The following GDPD4 variants were observed in gnomAD, a reference collection of about 807,000 sequenced individuals.
GDPD4 encodes the protein glycerophosphodiester phosphodiesterase 6.
GDPD4 carries 60 observed loss-of-function variants against 67.8 expected under a neutral mutation model. That is an observed-to-expected ratio of 0.88 (90% CI 0.72 to 1.10). The LOEUF (loss-of-function observed/expected upper bound fraction) is 1.10. Ranked by LOEUF, GDPD4 falls within the 50% of genes least tolerant of loss-of-function variation. GDPD4 has a pLI of 0.00. For missense variants in GDPD4, 623 were observed against 613.9 expected (o/e 1.01, Z -0.16); for synonymous variants, 212 against 210.9 (o/e 1.00, Z -0.04).
chr11:77,257,585 AC>A (rs1453338381), intron 11 of GDPD4, among the ~76,000 whole-genome samples: 1 of 150,514 alleles, frequency 6.6e-6, no homozygotes, highest in East Asian at 1.9e-4. Flanking sequence ...ACACACACAC[AC>A]ACACACACCC....
intron 4 of GDPD4, among the ~76,000 whole-genome samples, chr11:77,278,260 A>G (rs1469382814): frequency 6.6e-6 from 1 of 152,088 alleles, no homozygotes; most frequent in East Asian, 1.9e-4. Flanking sequence ...CTGGCCCCCC[A>G]TTATTCTTCA....
intron 16 of GDPD4, among the ~76,000 whole-genome samples, chr11:77,226,163 A>G (rs902079853): frequency 6.6e-6 from 1 of 152,172 alleles, no homozygotes; most frequent in Admixed American, 6.5e-5. Flanking sequence ...AGGTTTATAT[A>G]GTTCTTCAAT....
chr11:77,297,857 T>C (rs1460835345), intron 1 of GDPD4, among the ~76,000 whole-genome samples: 2 of 152,178 alleles, frequency 1.3e-5, no homozygotes, highest in Non-Finnish European at 2.9e-5. Context: ...AAGGGCAAAG[T>C]GATAAGTCAA....
At chr11:77,237,937 A>G (rs368322452) in intron 13 of GDPD4, among the ~76,000 whole-genome samples, 53 of 152,300 alleles carry the variant, frequency 3.5e-4, no homozygotes, top group African/African-American at 1.2e-3. Context: ...TAAAAAACAA[A>G]TAAGTTTATA....
At position 77,217,187 on chromosome 11, in the gene GDPD4, T is replaced by C. The variant is rs1308329915; in HGVS notation, c.*90A>G. On this transcript the variant is annotated 3_prime_UTR_variant, in exon 17 of 17. Transcript: ENST00000315938. ...ATGGCCTTGGTGTTCCTTTCCACTCTTGGGTAGAGCCGGGTAGAGGGCTGC... is the reference window on the plus strand; with the variant it reads ...ATGGCCTTGGTGTTCCTTTCCACTCCTGGGTAGAGCCGGGTAGAGGGCTGC... The C allele has an allele frequency of 1.0e-6, 1 of 977,670 alleles. No homozygotes were observed. Among genetic ancestry groups the C allele is most frequent in the Non-Finnish European group, 1.7e-6 (1 of 598,500 alleles). The allele number at this position is 977,670 out of a possible 1,614,324, so 60.6% of individuals were successfully genotyped here. A position where few individuals can be genotyped will look rare whatever the true frequency, so the allele number is the denominator to read the frequency against.
intron 16 of GDPD4, among the ~76,000 whole-genome samples, chr11:77,224,719 G>C (rs1398471787): frequency 6.6e-6 from 1 of 152,182 alleles, no homozygotes; most frequent in African/African-American, 2.4e-5. Flanking sequence ...AGTAAGTAAA[G>C]GAACTGTCTA....
At chr11:77,254,450 A>G (rs1248527875) in intron 11 of GDPD4, among the ~76,000 whole-genome samples, 6 of 152,074 alleles carry the variant, frequency 3.9e-5, no homozygotes, top group African/African-American at 1.4e-4. Flanking sequence ...ATTTTCATTA[A>G]AATATGTTTT....
chr11:77,227,496 C>T (rs912329318), intron 16 of GDPD4, among the ~76,000 whole-genome samples: 6 of 152,224 alleles, frequency 3.9e-5, no homozygotes, highest in Non-Finnish European at 7.3e-5. Flanking sequence ...GGACCAGCCC[C>T]TCCCCTCTCT....
At chr11:77,222,123 A>T (rs1958238875) in intron 16 of GDPD4, among the ~76,000 whole-genome samples, 1 of 152,120 alleles carries the variant, frequency 6.6e-6, no homozygotes. Context: ...GTGTGTCTGC[A>T]CTTGAGATGG....
intron 1 of GDPD4, among the ~76,000 whole-genome samples, chr11:77,298,802 T>C (rs1938065745): frequency 1.3e-5 from 2 of 152,094 alleles, no homozygotes; most frequent in African/African-American, 2.4e-5. Flanking sequence ...TTTCAAAATA[T>C]GGCAAAGAAA....
At chr11:77,220,717 CATAAA>C (rs1265366129) in intron 16 of GDPD4, among the ~76,000 whole-genome samples, 2 of 152,172 alleles carry the variant, frequency 1.3e-5, no homozygotes, top group Non-Finnish European at 2.9e-5. Context: ...ATGCTGGCCT[CATAAA>C]ATGAGTGAGG....
chr11:77,289,981 A>T (rs10082618), intron 1 of GDPD4, among the ~76,000 whole-genome samples: 13,696 of 152,192 alleles, frequency 0.09, 1,726 homozygotes, highest in African/African-American at 0.28. Flanking sequence ...ATCGAAAACC[A>T]ATTTAATAAA....
At chr11:77,297,147 A>G (rs116964495) in intron 1 of GDPD4, among the ~76,000 whole-genome samples, 1 of 152,266 alleles carries the variant, frequency 6.6e-6, no homozygotes, top group East Asian at 1.9e-4. Context: ...TCACTTTCAA[A>G]TACTTCATCT....
At chr11:77,234,968 T>C (rs1012810419) in intron 13 of GDPD4, among the ~76,000 whole-genome samples, 1 of 149,994 alleles carries the variant, frequency 6.7e-6, no homozygotes, top group Non-Finnish European at 1.5e-5. Context: ...CCACCAACAG[T>C]GTCTAAGCAT....
chr11:77,251,421 C>T (rs974273977), intron 11 of GDPD4, among the ~76,000 whole-genome samples: 4 of 152,066 alleles, frequency 2.6e-5, no homozygotes, highest in Admixed American at 2.6e-4. Flanking sequence ...TTTTGCATTC[C>T]CCAGTTTTTG....
chr11:77,262,853 G>GAAAAAA (rs1565530033), intron 10 of GDPD4, among the ~76,000 whole-genome samples: 1 of 8,122 alleles, frequency 1.2e-4, no homozygotes, highest in Non-Finnish European at 2.1e-4. Flanking sequence ...TTTCTCTGCT[G>GAAAAAA]CAAAAAAAAA....
rs1959452591 is a variant in GDPD4 at position 77,276,065 on chromosome 11, C to T, written c.207+96G>A. 3.7e-6 allele frequency: 3 copies of T among 811,674 alleles called. No individual in the cohort carries two copies. In the African/African-American group the frequency reaches 5.1e-5, roughly 14 times the overall value. The allele number at this position is 811,674 out of a possible 1,614,324, so 50.3% of individuals were successfully genotyped here. On this transcript the variant is annotated intron_variant, in intron 5 of 16. Transcript: ENST00000315938. ...AGGAGAACAGTAACAGAGAGGGTAA[C>T]CCCATACACAAAACTGAGTACCAAG...
chr11:77,273,802 G>T (rs1476353500), intron 5 of GDPD4, among the ~76,000 whole-genome samples: 1 of 152,182 alleles, frequency 6.6e-6, no homozygotes, highest in Non-Finnish European at 1.5e-5. Context: ...TTAAGAAAAG[G>T]TGCTGGAACG....
intron 11 of GDPD4, among the ~76,000 whole-genome samples, chr11:77,247,589 A>G (rs1182586032): frequency 2.6e-5 from 4 of 152,234 alleles, no homozygotes; most frequent in Non-Finnish European, 5.9e-5. Context: ...AAAAAGCCAC[A>G]GGAAGTAACA....
Sources: gnomAD v4.1 joint callset for allele counts (sites outside exome capture counted in the v4.1 genomes callset) on GRCh38, gnomAD v4.1.1 for gene constraint, MANE v1.5 for transcripts, NCBI Gene and HGNC (gene_info 2026-07-23, HGNC 2026-07-21) for gene names.